The following BLTP3A variants were observed in gnomAD, a reference collection of about 807,000 sequenced individuals.
BLTP3A encodes the protein bridge-like lipid transfer protein family member 3A.
the BLTP3A span, among the ~76,000 whole-genome samples, chr6:34,816,504 T>TGGAG: frequency 8.4e-6 from 1 of 119,718 alleles, no homozygotes; most frequent in Non-Finnish European, 1.7e-5. Context: ...CTAGCTACTC[T>TGGAG]GGAGGCTGAG....
At chr6:34,869,280 G>A in the BLTP3A span, among the ~76,000 whole-genome samples, 32 of 152,158 alleles carry the variant, frequency 2.1e-4, no homozygotes, top group African/African-American at 7.2e-4. Context: ...GGAATTACAG[G>A]CCTGAGCCAC....
At chr6:34,836,433 A>C in the BLTP3A span, 1 of 1,332,638 alleles carries the variant, frequency 7.5e-7, no homozygotes, top group African/African-American at 1.5e-5. Flanking sequence ...GGCTCTTTTC[A>C]GAAGACATTG....
the BLTP3A span, among the ~76,000 whole-genome samples, chr6:34,849,742 C>G: frequency 1.3e-5 from 2 of 152,118 alleles, no homozygotes; most frequent in African/African-American, 4.8e-5. Context: ...TTTAGCATTT[C>G]TTATAGGACA....
chr6:34,821,894 G>A, the BLTP3A span: 74 of 1,614,214 alleles, frequency 4.6e-5, no homozygotes, highest in East Asian at 1.4e-3. Flanking sequence ...CCACAGCCCT[G>A]AGACTTTGCT....
the BLTP3A span, chr6:34,834,489 T>C: frequency 1.3e-6 from 2 of 1,550,064 alleles, no homozygotes; most frequent in Non-Finnish European, 1.8e-6. Flanking sequence ...ATTCCCATTT[T>C]GTGGATTTCC....
chr6:34,811,681 C>A, the BLTP3A span, among the ~76,000 whole-genome samples: 3 of 114,150 alleles, frequency 2.6e-5, no homozygotes, highest in East Asian at 3.0e-4. Context: ...GAGACCCCCC[C>A]CCCCGCATCT....
the BLTP3A span, among the ~76,000 whole-genome samples, chr6:34,862,369 C>G: frequency 6.6e-6 from 1 of 150,936 alleles, no homozygotes; most frequent in Non-Finnish European, 1.5e-5. Flanking sequence ...GAGCGAGACT[C>G]CGTCTCAAAA....
the BLTP3A span, among the ~76,000 whole-genome samples, chr6:34,811,555 A>T: frequency 6.6e-6 from 1 of 152,002 alleles, no homozygotes; most frequent in Non-Finnish European, 1.5e-5. Context: ...TATTGAGACT[A>T]TCTCTACAAA....
the BLTP3A span, among the ~76,000 whole-genome samples, chr6:34,817,256 C>A: frequency 6.6e-6 from 1 of 152,080 alleles, no homozygotes; most frequent in Non-Finnish European, 1.5e-5. Context: ...CATTTCTTTC[C>A]GGAAGAGAAA....
chr6:34,859,045 G>A, the BLTP3A span: 1 of 1,614,202 alleles, frequency 6.2e-7, no homozygotes. Context: ...TGACTCTGCA[G>A]GCTCAGATAG....
chr6:34,854,730 C>T, the BLTP3A span, among the ~76,000 whole-genome samples: 3 of 152,232 alleles, frequency 2.0e-5, no homozygotes, highest in East Asian at 5.8e-4. Context: ...AATGACCCTA[C>T]TGGATGAAGA....
At chr6:34,829,382 T>A in the BLTP3A span, among the ~76,000 whole-genome samples, 1 of 152,192 alleles carries the variant, frequency 6.6e-6, no homozygotes, top group South Asian at 2.1e-4. Flanking sequence ...CTTAGCATAA[T>A]GTTTTCAAGG....
At chr6:34,826,114 CGCTTCCTGGGTT>C in the BLTP3A span, among the ~76,000 whole-genome samples, 1 of 149,706 alleles carries the variant, frequency 6.7e-6, no homozygotes. Context: ...CTGCAACCAC[CGCTTCCTGGGTT>C]GAAGTGATTC....
At chr6:34,850,267 T>G in the BLTP3A span, among the ~76,000 whole-genome samples, 4 of 152,240 alleles carry the variant, frequency 2.6e-5, no homozygotes, top group African/African-American at 7.2e-5. Context: ...TATTTTCTCT[T>G]GCAGCTTTTA....
chr6:34,821,385 T>C, the BLTP3A span: 2 of 318,368 alleles, frequency 6.3e-6, no homozygotes, highest in African/African-American at 4.3e-5. Flanking sequence ...AGTAGAATCA[T>C]AGGTCTCACC....
the BLTP3A span, chr6:34,821,970 T>C: frequency 6.2e-7 from 1 of 1,614,232 alleles, no homozygotes; most frequent in Admixed American, 1.7e-5. Context: ...TGACCTTTCT[T>C]GATTGCAAGT....
chr6:34,793,450 T>A, the BLTP3A span, among the ~76,000 whole-genome samples: 1 of 152,214 alleles, frequency 6.6e-6, no homozygotes, highest in African/African-American at 2.4e-5. Context: ...TGTTTCTTTC[T>A]GGGTCTTCTC....
the BLTP3A span, among the ~76,000 whole-genome samples, chr6:34,860,002 T>G: frequency 6.6e-6 from 1 of 152,218 alleles, no homozygotes; most frequent in African/African-American, 2.4e-5. Flanking sequence ...CTAATTTTTT[T>G]GTTTGATTTG....
chr6:34,836,977 G>A, the BLTP3A span, among the ~76,000 whole-genome samples: 116 of 152,276 alleles, frequency 7.6e-4, no homozygotes, highest in African/African-American at 2.6e-3. Context: ...TTCCACATTC[G>A]TGAAATTGAG....
Sources: gnomAD v4.1 joint callset for allele counts (sites outside exome capture counted in the v4.1 genomes callset) on GRCh38, gnomAD v4.1.1 for gene constraint, MANE v1.5 for transcripts, NCBI Gene and HGNC (gene_info 2026-07-23, HGNC 2026-07-21) for gene names.